The following SORBS2 variants were observed in gnomAD, a reference collection of about 807,000 sequenced individuals.
SORBS2 encodes the protein sorbin and SH3 domain containing 2, also known as sorbin and SH3 domain-containing protein 2.
Under a neutral mutation model 97.7 loss-of-function variants are expected in SORBS2, and 46 were observed. The observed-to-expected ratio is 0.47, with a 90% CI of 0.37 to 0.60. SORBS2 has a LOEUF of 0.60. SORBS2 is among the 20% of genes least tolerant of loss of function. The pLI is 0.00. For synonymous variants in SORBS2, 476 were observed against 473.4 expected (o/e 1.01, Z -0.07); for missense variants, 1,316 against 1,282.3 (o/e 1.03, Z -0.40).
At chr4:185,826,054 C>G (rs1337780968) in intron 1 of SORBS2, among the ~76,000 whole-genome samples, 1 of 152,188 alleles carries the variant, frequency 6.6e-6, no homozygotes, top group Non-Finnish European at 1.5e-5. Flanking sequence ...ACAAGAACTC[C>G]ATTCAAGCAA....
intron 12 of SORBS2, among the ~76,000 whole-genome samples, chr4:185,597,468 G>A (rs993672691): frequency 2.6e-5 from 4 of 152,112 alleles, no homozygotes; most frequent in Admixed American, 2.0e-4. Context: ...TTGCAGAATG[G>A]TAAACCAAAA....
At chr4:185,624,397 C>T (rs1186568546) in exon 7 of SORBS2, 2 of 1,614,048 alleles carry the variant, frequency 1.2e-6, no homozygotes, top group African/African-American at 2.7e-5. Flanking sequence ...CATCCAAGTG[C>T]TGTCTGTAAG....
Position 185,649,671 on chromosome 4 carries a change from A to C in SORBS2, c.92-15T>G. ...GTTGTACAGACCTATCATGACAAAA[A>C]ACAAAAGCAGACAAAAAACAGAAGC... is the stretch of plus-strand genomic sequence containing the variant. On this transcript the variant is annotated splice_polypyrimidine_tract_variant and intron_variant, in intron 2 of 14. Transcript: ENST00000418609. 1 of 1,353,080 alleles carries C rather than the reference A, an allele frequency of 7.4e-7. No homozygotes were observed. The highest frequency in any genetic ancestry group is 9.6e-7 in the Non-Finnish European group (1 of 1,043,740). 83.8% of individuals were successfully genotyped at this position (1,353,080 alleles called of 1,614,324 possible).
At chr4:185,884,791 G>A (rs2099238565) in intron 1 of SORBS2, among the ~76,000 whole-genome samples, 1 of 152,204 alleles carries the variant, frequency 6.6e-6, no homozygotes, top group Non-Finnish European at 1.5e-5. Flanking sequence ...GGAATGCTCA[G>A]ACAGTAGGGA....
chr4:185,630,122 T>C (rs2096883210), intron 5 of SORBS2, among the ~76,000 whole-genome samples: 1 of 152,222 alleles, frequency 6.6e-6, no homozygotes, highest in African/African-American at 2.4e-5. Context: ...GCCTCATTTA[T>C]TGGTAGTATT....
intron 6 of SORBS2, among the ~76,000 whole-genome samples, chr4:185,626,474 C>G (rs2096816537): frequency 6.6e-6 from 1 of 152,198 alleles, no homozygotes; most frequent in Admixed American, 6.5e-5. Context: ...ATAAATTTGA[C>G]TAATTTGCTA....
chr4:185,804,483 A>G (rs2099144635), intron 1 of SORBS2, among the ~76,000 whole-genome samples: 1 of 152,244 alleles, frequency 6.6e-6, no homozygotes, highest in Non-Finnish European at 1.5e-5. Flanking sequence ...GTATCGGCGC[A>G]TCTAAGACAA....
intron 4 of SORBS2, among the ~76,000 whole-genome samples, chr4:185,672,831 G>A (rs2097733026): frequency 6.6e-6 from 1 of 152,092 alleles, no homozygotes; most frequent in South Asian, 2.1e-4. Context: ...TACAGTGCTT[G>A]GCATTGGCTG....
intron 1 of SORBS2, among the ~76,000 whole-genome samples, chr4:185,906,738 A>G (rs1032753385): frequency 1.3e-5 from 2 of 152,216 alleles, no homozygotes; most frequent in Non-Finnish European, 2.9e-5. Flanking sequence ...TATTCTATCT[A>G]TACGAAAAGA....
chr4:185,716,437 T>C (rs1279297914), intron 2 of SORBS2, among the ~76,000 whole-genome samples: 1 of 152,224 alleles, frequency 6.6e-6, no homozygotes, highest in Non-Finnish European at 1.5e-5. Context: ...GTCTGGCAGG[T>C]ACTGCCAAAA....
At chr4:185,904,215 G>A (rs1004038354) in intron 1 of SORBS2, among the ~76,000 whole-genome samples, 3 of 152,184 alleles carry the variant, frequency 2.0e-5, no homozygotes, top group Non-Finnish European at 4.4e-5. Flanking sequence ...CCTGCCTAAT[G>A]TCTACCACCC....
intron 1 of SORBS2, among the ~76,000 whole-genome samples, chr4:185,843,874 T>C (rs1425177551): frequency 6.6e-6 from 1 of 152,222 alleles, no homozygotes; most frequent in Non-Finnish European, 1.5e-5. Flanking sequence ...AATTTTATTC[T>C]AAATTTGTAT....
At chr4:185,605,508 T>A (rs2153390111) in intron 12 of SORBS2, among the ~76,000 whole-genome samples, 1 of 151,940 alleles carries the variant, frequency 6.6e-6, no homozygotes, top group Non-Finnish European at 1.5e-5. Context: ...GGTTTCGAAC[T>A]CCTGACCTCA....
In SORBS2 at chr4:185,609,140, A is replaced by T. The variant is rs370224685; in HGVS notation, c.2796+2640T>A. Among the ~76,000 whole-genome samples the T allele has an allele frequency of 3.2e-4, 49 of 152,256 alleles. No individual in the cohort carries two copies. In the East Asian group the frequency reaches 4.8e-3, roughly 15 times the overall value. Reference sequence around the variant, plus strand: ...GCACGTGTGGTTTGCGCCTAGGTAGACAGCCACTCCTGTTAAGTCCTGTAG... The same window carrying T: ...GCACGTGTGGTTTGCGCCTAGGTAGTCAGCCACTCCTGTTAAGTCCTGTAG... On this transcript the variant is annotated intron_variant, in intron 12 of 14. Coordinates refer to ENST00000418609, the Ensembl canonical transcript of SORBS2.
chr4:185,624,408 T>G, exon 7 of SORBS2: 2 of 1,614,130 alleles, frequency 1.2e-6, no homozygotes, highest in Non-Finnish European at 1.7e-6. Flanking sequence ...TGTCTGTAAG[T>G]GCTACAGTAA....
At chr4:185,701,328 C>T (rs1167756895) in intron 2 of SORBS2, among the ~76,000 whole-genome samples, 1 of 152,216 alleles carries the variant, frequency 6.6e-6, no homozygotes, top group Non-Finnish European at 1.5e-5. Flanking sequence ...GATCACCTTA[C>T]AGATCCAACC....
rs116359825 is a variant in SORBS2, at chr4:185,700,111, C to T, written c.-197-21289G>A. On this transcript the variant is annotated intron_variant, in intron 2 of 20. Transcript: ENST00000284776. Reference sequence around the variant, plus strand: ...TCTTGACAGGCTGAATTAAATTTGGCTAAACTAAATTTCATGATTAGGTTG... The same window carrying T: ...TCTTGACAGGCTGAATTAAATTTGGTTAAACTAAATTTCATGATTAGGTTG... 3.7e-3 allele frequency among the ~76,000 whole-genome samples: 557 copies of T among 152,276 alleles called. 3 individuals carry two copies. Among genetic ancestry groups the T allele is most frequent in the African/African-American group, 0.013 (535 of 41,534 alleles).
intron 1 of SORBS2, among the ~76,000 whole-genome samples, chr4:185,842,201 T>C (rs531899117): frequency 2.6e-5 from 4 of 152,200 alleles, no homozygotes; most frequent in South Asian, 4.2e-4. Flanking sequence ...CCTCTTAGAC[T>C]GAATAGAGAA....
intron 1 of SORBS2, among the ~76,000 whole-genome samples, chr4:185,813,709 C>G (rs34363716): frequency 0.1 from 15,808 of 152,220 alleles, 893 homozygotes; most frequent in African/African-American, 0.13. Context: ...AACCTCCATC[C>G]CAATCTGCCT....
Sources: allele counts gnomAD v4.1 joint callset (sites outside exome capture counted in the v4.1 genomes callset), GRCh38; gene constraint gnomAD v4.1.1; transcripts MANE v1.5; gene names NCBI Gene and HGNC (gene_info 2026-07-23, HGNC 2026-07-21).